Variants in CSMD1 observed in about 807,000 individuals in gnomAD.
CSMD1 encodes CUB and Sushi multiple domains 1.
A neutral mutation model predicts 417.5 loss-of-function variants in CSMD1; 213 were observed. That is an observed-to-expected ratio of 0.51 (90% CI 0.46 to 0.57). The LOEUF is 0.57. Among genes scored for constraint, CSMD1 ranks in the 20% least tolerant of loss-of-function variants. The pLI, the probability that CSMD1 is intolerant of heterozygous loss-of-function variation, is 0.00. For missense variants in CSMD1, 6,923 were observed against 4,529.7 expected, an observed-to-expected ratio of 1.53 and a Z score of -15.17; for synonymous variants, 2,862 against 1,736.8, an observed-to-expected ratio of 1.65 and a Z score of -16.11.
At chr8:3,078,699 G>A (rs192847772) in intron 49 of CSMD1, among the ~76,000 whole-genome samples, 40 of 152,266 alleles carry the variant, frequency 2.6e-4, no homozygotes, top group Admixed American at 6.5e-4. Flanking sequence ...GAAGGTCTAC[G>A]TGGCCCTTTA....
intron 3 of CSMD1, among the ~76,000 whole-genome samples, chr8:4,154,364 G>A (rs1563195977): frequency 6.6e-6 from 1 of 152,184 alleles, no homozygotes; most frequent in African/African-American, 2.4e-5. Context: ...AAATGTCCAT[G>A]TTTTGTGACA....
chr8:4,651,215 A>G (rs1294262779), intron 1 of CSMD1, among the ~76,000 whole-genome samples: 1 of 152,262 alleles, frequency 6.6e-6, no homozygotes, highest in Non-Finnish European at 1.5e-5. Flanking sequence ...TAAACTTAAG[A>G]ATATTAAATA....
intron 5 of CSMD1, among the ~76,000 whole-genome samples, chr8:3,758,423 G>C (rs375049387): frequency 1.3e-5 from 2 of 152,176 alleles, no homozygotes; most frequent in African/African-American, 2.4e-5. Flanking sequence ...AATGTTCATA[G>C]ACTTTTGTTG....
chr8:3,512,962 A>C (rs2117405930), intron 10 of CSMD1, among the ~76,000 whole-genome samples: 1 of 152,252 alleles, frequency 6.6e-6, no homozygotes, highest in Admixed American at 6.5e-5. Context: ...GATAGCAAAA[A>C]TATAGAAAGA....
Position 4,498,241 on chromosome 8 carries a change from G to C in CSMD1, c.303-78176C>G, listed in dbSNP as rs145260226. ...ATGATTGTTGGCTGACTCAACTCTT[G>C]CTTAGCTTCCATCAAAGTACAAACT... On this transcript the variant is annotated intron_variant, in intron 2 of 69. Transcript: ENST00000635120. Among the ~76,000 whole-genome samples the C allele has an allele frequency of 1.2e-3, 186 of 152,204 alleles. 1 individual carries two copies. Among genetic ancestry groups the C allele is most frequent in the African/African-American group, 4.3e-3 (179 of 41,536 alleles).
At chr8:4,133,169 C>A (rs1188536723) in intron 3 of CSMD1, among the ~76,000 whole-genome samples, 1 of 152,138 alleles carries the variant, frequency 6.6e-6, no homozygotes, top group Non-Finnish European at 1.5e-5. Context: ...AACTCCTGGC[C>A]TTGTGATCTG....
chr8:3,793,796 C>A (rs1333903377), intron 5 of CSMD1, among the ~76,000 whole-genome samples: 2 of 152,154 alleles, frequency 1.3e-5, no homozygotes, highest in African/African-American at 4.8e-5. Context: ...CTTCTACCTC[C>A]TTTTATGCCC....
At position 2,962,612 on chromosome 8, in the gene CSMD1, G is replaced by A. The variant is rs1251288122; in HGVS notation, c.9482C>T (p.Pro3161Leu). Residue 3161 changes from proline (P) to leucine (L), a missense_variant, in exon 61 of 70, where the codon CCC becomes CTC. By Grantham distance (98) the Pro-to-Leu change is moderately conservative (BLOSUM62 -3). Transcript: ENST00000635120. ...LPVFCGDPGI[P>L]AEGRLSGKSF... Reference sequence around the variant, plus strand: ...TTTCCCACTAAGTCGCCCTTCTGCGGGGATGCCAGGGTCTCCGCAGAACAC... The same window carrying A: ...TTTCCCACTAAGTCGCCCTTCTGCGAGGATGCCAGGGTCTCCGCAGAACAC... The A allele has an allele frequency of 1.2e-6, 2 of 1,613,814 alleles. No homozygotes were observed. Among genetic ancestry groups the A allele is most frequent in the Non-Finnish European group, 1.7e-6 (2 of 1,179,810 alleles).
chr8:3,948,749 A>T (rs971110923), intron 5 of CSMD1, among the ~76,000 whole-genome samples: 1 of 152,172 alleles, frequency 6.6e-6, no homozygotes, highest in Non-Finnish European at 1.5e-5. Context: ...AATCAGCTAG[A>T]AAAGATGAGC....
intron 3 of CSMD1, among the ~76,000 whole-genome samples, chr8:4,149,385 T>C (rs1178130489): frequency 4.6e-5 from 7 of 152,192 alleles, no homozygotes; most frequent in African/African-American, 1.7e-4. Context: ...AAAACCAATA[T>C]ATCTTAGGTG....
chr8:3,161,251 A>C (rs549827198), intron 38 of CSMD1, among the ~76,000 whole-genome samples: 2 of 152,296 alleles, frequency 1.3e-5, no homozygotes, highest in African/African-American at 4.8e-5. Flanking sequence ...AAATATTAAT[A>C]ATAAATAATA....
intron 3 of CSMD1, among the ~76,000 whole-genome samples, chr8:4,400,515 A>G (rs1804573825): frequency 6.6e-6 from 1 of 152,252 alleles, no homozygotes; most frequent in South Asian, 2.1e-4. Flanking sequence ...AAAAAAGTCA[A>G]TAAAAATTGC....
chr8:4,124,151 A>C (rs1802635709), intron 3 of CSMD1, among the ~76,000 whole-genome samples: 1 of 152,114 alleles, frequency 6.6e-6, no homozygotes, highest in South Asian at 2.1e-4. Flanking sequence ...GTTGTCCTAA[A>C]ACAGTCTGCG....
chr8:3,984,237 A>C (rs1334872739), intron 5 of CSMD1, among the ~76,000 whole-genome samples: 1 of 139,708 alleles, frequency 7.2e-6, no homozygotes, highest in Non-Finnish European at 1.6e-5. Flanking sequence ...CCATCCTGCA[A>C]AGCGAGTGGC....
chr8:3,623,060 C>G (rs1452343514), intron 7 of CSMD1, among the ~76,000 whole-genome samples: 1 of 151,956 alleles, frequency 6.6e-6, no homozygotes, highest in Admixed American at 6.6e-5. Flanking sequence ...CTGAAAATAT[C>G]AATAGATTGG....
chr8:3,978,366 T>A (rs1204593197), intron 5 of CSMD1, among the ~76,000 whole-genome samples: 1 of 152,206 alleles, frequency 6.6e-6, no homozygotes, highest in African/African-American at 2.4e-5. Flanking sequence ...AATTTTTACA[T>A]CTTATTTATC....
intron 2 of CSMD1, among the ~76,000 whole-genome samples, chr8:4,469,524 C>G (rs1022509130): frequency 2.6e-5 from 4 of 152,128 alleles, no homozygotes; most frequent in African/African-American, 9.7e-5. Context: ...CTATTCCTTC[C>G]GGAGCCTTCC....
intron 5 of CSMD1, among the ~76,000 whole-genome samples, chr8:3,993,380 C>T (rs1814910162): frequency 6.6e-6 from 1 of 152,174 alleles, no homozygotes; most frequent in South Asian, 2.1e-4. Context: ...ATTAAATAGA[C>T]ACCAAGTCAA....
At chr8:3,274,519 A>T (rs1266475551) in intron 26 of CSMD1, among the ~76,000 whole-genome samples, 2 of 152,074 alleles carry the variant, frequency 1.3e-5, no homozygotes, top group Non-Finnish European at 2.9e-5. Context: ...TCTAAAGTTG[A>T]CAGTGGGGTG....
Sources: allele counts gnomAD v4.1 joint callset (sites outside exome capture counted in the v4.1 genomes callset), GRCh38; gene constraint gnomAD v4.1.1; transcripts MANE v1.5; gene names NCBI Gene and HGNC (gene_info 2026-07-23, HGNC 2026-07-21).